Variants in ANXA4 observed in about 807,000 individuals in gnomAD.
ANXA4 encodes the protein annexin A4.
ANXA4 carries 39 observed loss-of-function variants against 49.8 expected under a neutral mutation model. The ratio of observed to expected loss-of-function variants is 0.78; its 90% CI spans 0.61 to 1.02. ANXA4 has a LOEUF of 1.02. Ranked by LOEUF, ANXA4 falls within the 50% of genes least tolerant of loss-of-function variation. ANXA4 has a pLI of 0.00. For synonymous variants in ANXA4, 134 were observed against 152.5 expected (o/e 0.88, Z 0.89); for missense variants, 360 against 410.1 (o/e 0.88, Z 1.05).
chr2:69,792,633 CCTT>C (rs1558503822), intron 3 of ANXA4, among the ~76,000 whole-genome samples: 2 of 151,836 alleles, frequency 1.3e-5, no homozygotes, highest in African/African-American at 2.4e-5. Context: ...TTTGCTTAAA[CCTT>C]CTACTTTAAG....
chr2:69,644,165 T>TTCGCGCCCCCCCCCCCCCCCCCCCCC (rs1553424953), upstream of ANXA4, among the ~76,000 whole-genome samples: 2 of 21,116 alleles, frequency 9.5e-5, no homozygotes, highest in African/African-American at 3.4e-4. Context: ...ACAACTAAGT[T>TTCGCGCCCCCCCCCCCCCCCCCCCCC]CCCCCCCCCC....
chr2:69,692,553 T>C (rs1678011857), intron 2 of ANXA4, among the ~76,000 whole-genome samples: 1 of 152,242 alleles, frequency 6.6e-6, no homozygotes. Flanking sequence ...GTTTGCATAT[T>C]GCCTGTTTTC....
At chr2:69,714,653 C>G (rs1030909262) in intron 2 of ANXA4, among the ~76,000 whole-genome samples, 50 of 152,190 alleles carry the variant, frequency 3.3e-4, no homozygotes, top group African/African-American at 1.1e-3. Flanking sequence ...GGGCCAGATC[C>G]CAGAGCTGGG....
chr2:69,771,806 C>T (rs1052326640), intron 1 of ANXA4, among the ~76,000 whole-genome samples: 6 of 152,186 alleles, frequency 3.9e-5, no homozygotes, highest in Admixed American at 1.3e-4. Flanking sequence ...CCTACTTTTT[C>T]TTTATGAATT....
chr2:69,763,617 A>G (rs1671382530), intron 1 of ANXA4, among the ~76,000 whole-genome samples: 1 of 149,558 alleles, frequency 6.7e-6, no homozygotes, highest in African/African-American at 2.5e-5. Flanking sequence ...ACAAACTGAT[A>G]TTATTTTTAA....
At chr2:69,754,801 C>T (rs1398076574) in intron 1 of ANXA4, among the ~76,000 whole-genome samples, 1 of 152,110 alleles carries the variant, frequency 6.6e-6, no homozygotes, top group Non-Finnish European at 1.5e-5. Context: ...TTTTATGCTC[C>T]CTCCTAAGGC....
intron 2 of ANXA4, among the ~76,000 whole-genome samples, chr2:69,701,685 C>T (rs951178899): frequency 1.3e-5 from 2 of 152,232 alleles, no homozygotes; most frequent in African/African-American, 4.8e-5. Context: ...ATTTCCCCCA[C>T]CCTCACCAAT....
In ANXA4 at chr2:69,755,311, A is replaced by G. The variant is rs374177120; in HGVS notation, c.-47+13136A>G. 1.2e-3 allele frequency among the ~76,000 whole-genome samples: 182 copies of G among 152,314 alleles called. 2 individuals carry two copies. Among genetic ancestry groups the G allele is most frequent in the Middle Eastern group, 6.8e-3 (2 of 294 alleles). On this transcript the variant is annotated intron_variant, in intron 1 of 12. Transcript: ENST00000394295. ...TTGTAAATGTTCTTAATGCCACTGA[A>G]TTGTACACTTTAAAATGGTTAAAAT... is the stretch of plus-strand genomic sequence containing the variant.
chr2:69,690,309 A>G (rs1378336553), intron 2 of ANXA4, among the ~76,000 whole-genome samples: 2 of 151,824 alleles, frequency 1.3e-5, no homozygotes, highest in Non-Finnish European at 2.9e-5. Flanking sequence ...TGCTATCTCG[A>G]CTCACTGCAG....
intron 1 of ANXA4, among the ~76,000 whole-genome samples, chr2:69,780,835 A>G (rs942154868): frequency 6.6e-6 from 1 of 152,222 alleles, no homozygotes; most frequent in Non-Finnish European, 1.5e-5. Flanking sequence ...TTTATGTGTC[A>G]TGAGAACTCC....
intron 3 of ANXA4, among the ~76,000 whole-genome samples, chr2:69,798,251 A>G (rs1318125346): frequency 5.3e-5 from 8 of 152,240 alleles, no homozygotes; most frequent in Admixed American, 5.2e-4. Context: ...TCAGAAAAAC[A>G]GCAATCCCTT....
chr2:69,753,126 C>A (rs1670915766), intron 1 of ANXA4, among the ~76,000 whole-genome samples: 1 of 152,194 alleles, frequency 6.6e-6, no homozygotes, highest in Admixed American at 6.5e-5. Context: ...TGTACCTGTT[C>A]TATTTCTCTT....
intron 1 of ANXA4, among the ~76,000 whole-genome samples, chr2:69,651,938 A>G (rs1055976536): frequency 6.6e-6 from 1 of 151,506 alleles, no homozygotes; most frequent in African/African-American, 2.4e-5. Flanking sequence ...TCAGCCTCCA[A>G]AAGTGCTGGG....
intron 3 of ANXA4, among the ~76,000 whole-genome samples, chr2:69,797,493 G>A (rs537557220): frequency 6.6e-6 from 1 of 152,334 alleles, no homozygotes; most frequent in South Asian, 2.1e-4. Context: ...GATCTCCGGA[G>A]AGATAATGTA....
chr2:69,817,246 C>G (rs953187204), intron 9 of ANXA4: 1 of 151,980 alleles, frequency 6.6e-6, no homozygotes, highest in Non-Finnish European at 1.5e-5. Context: ...TATGAAATAT[C>G]TGTTTGTAAG....
chr2:69,749,016 A>G (rs551850174), intron 1 of ANXA4, among the ~76,000 whole-genome samples: 1 of 151,918 alleles, frequency 6.6e-6, no homozygotes, highest in Non-Finnish European at 1.5e-5. Flanking sequence ...CCTGGCCTAC[A>G]CCCTACTTTT....
chr2:69,735,617 A>AAAT (rs35904732), intron 3 of ANXA4, among the ~76,000 whole-genome samples: 3 of 151,496 alleles, frequency 2.0e-5, no homozygotes, highest in African/African-American at 7.3e-5. Context: ...GAAAAAAAAA[A>AAAT]TCCCCTATTT....
chr2:69,657,662 C>T (rs1241628543), intron 2 of ANXA4, among the ~76,000 whole-genome samples: 2 of 152,076 alleles, frequency 1.3e-5, no homozygotes, highest in African/African-American at 4.8e-5. Flanking sequence ...TATGGATATA[C>T]ATGTAAATTT....
intron 1 of ANXA4, among the ~76,000 whole-genome samples, chr2:69,757,901 G>C (rs1671126817): frequency 6.8e-6 from 1 of 147,702 alleles, no homozygotes; most frequent in Non-Finnish European, 1.5e-5. Context: ...GGAGGTTGCA[G>C]TGAGCCAAGA....
Sources: allele counts gnomAD v4.1 joint callset (sites outside exome capture counted in the v4.1 genomes callset), GRCh38; gene constraint gnomAD v4.1.1; transcripts MANE v1.5; gene names NCBI Gene and HGNC (gene_info 2026-07-23, HGNC 2026-07-21).